The following ZNF638 variants were observed in gnomAD, a reference collection of about 807,000 sequenced individuals.
ZNF638 encodes the protein zinc finger protein 638, also known as CTCL tumor antigen se33-1.
A neutral mutation model predicts 195.6 loss-of-function variants in ZNF638; 46 were observed. The ratio of observed to expected loss-of-function variants is 0.24; its 90% confidence interval spans 0.19 to 0.30. ZNF638 has a LOEUF of 0.30. Ranked by LOEUF, ZNF638 falls within the 10% of genes least tolerant of loss-of-function variation. ZNF638 has a pLI of 1.00. For synonymous variants in ZNF638, 845 were observed against 772.0 expected (o/e 1.09, Z -1.57); for missense variants, 2,440 against 2,325.3 (o/e 1.05, Z -1.01).
chr2:71,397,039 C>G (rs1284836257), intron 11 of ZNF638, among the ~76,000 whole-genome samples: 1 of 152,046 alleles, frequency 6.6e-6, no homozygotes, highest in Admixed American at 6.6e-5. Flanking sequence ...GTGGCAGATC[C>G]AGAATTTTCA....
chr2:71,365,710 ATTCT>A lies in ZNF638; in HGVS notation c.1995+7_1995+10del. ...AGCTGTTTCTCTCCAGCGAAAGGTA[ATTCT>A]TTAATTAATAATTATTTTTAGAGAT... On this transcript the variant is annotated splice_donor_5th_base_variant and intron_variant, in intron 6 of 27. Transcript: ENST00000264447. 6.3e-7 allele frequency: 1 copy of A among 1,595,754 alleles called. No individual in the cohort carries two copies. The highest frequency in any genetic ancestry group is 8.5e-7 in the Non-Finnish European group (1 of 1,172,422).
intron 10 of ZNF638, chr2:71,393,316 A>C: frequency 1.5e-6 from 1 of 663,400 alleles, no homozygotes. Flanking sequence ...GGAAAGATGT[A>C]AATAGTAACG....
chr2:71,433,277 T>C lies in ZNF638; in HGVS notation c.5865T>C (p.Asn1955=). The C allele has an allele frequency of 6.2e-7, 1 of 1,606,572 alleles. No homozygotes were observed. Among genetic ancestry groups the C allele is most frequent in the South Asian group, 1.1e-5 (1 of 90,170 alleles). ...NHCKSTRHKQ[N]TEKFMAKQRK... ...GCAAGAGTACACGTCATAAGCAAAA[T>C]ACTGAGGTAATTTTAAAAATTCTTA... is the stretch of plus-strand genomic sequence containing the variant. Residue 1955 remains asparagine (N), a synonymous_variant, in exon 27 of 28, where the codon AAT becomes AAC. Transcript: ENST00000264447.
At chr2:71,386,254 A>G (rs1407306405) in intron 10 of ZNF638, among the ~76,000 whole-genome samples, 2 of 144,058 alleles carry the variant, frequency 1.4e-5, no homozygotes, top group Non-Finnish European at 3.0e-5. Context: ...TGATCGTGCT[A>G]CTGTACCCCA....
At chr2:71,429,806 T>C (rs2080619547) in intron 25 of ZNF638, among the ~76,000 whole-genome samples, 1 of 152,206 alleles carries the variant, frequency 6.6e-6, no homozygotes, top group South Asian at 2.1e-4. Flanking sequence ...TACTTGACTT[T>C]TCCACATGAT....
At chr2:71,387,682 T>C (rs987048354) in intron 10 of ZNF638, among the ~76,000 whole-genome samples, 3 of 151,230 alleles carry the variant, frequency 2.0e-5, no homozygotes, top group Non-Finnish European at 4.4e-5. Context: ...AAAGTAAAAG[T>C]GCTTATATCA....
chr2:71,402,163 AAAAG>A, intron 16 of ZNF638, 76 bp downstream of exon 16: 1 of 1,457,782 alleles, frequency 6.9e-7, no homozygotes, highest in African/African-American at 1.5e-5. Flanking sequence ...TACAAAACTA[AAAAG>A]AAAAGGTTTA....
chr2:71,352,297 G>T lies in ZNF638; in HGVS notation c.1317+2026G>T, dbSNP rs148387756. Among the ~76,000 whole-genome samples, 454 of 152,054 alleles carry T rather than the reference G, an allele frequency of 3.0e-3. 2 individuals are homozygous for T. The highest frequency in any genetic ancestry group is 0.011 in the African/African-American group (438 of 41,474). On this transcript the variant is annotated intron_variant, in intron 2 of 27. Coordinates refer to ENST00000264447, the MANE Select transcript of ZNF638 (RefSeq NM_014497.5). ...GTTCAAGACCACCCTTACTGACATG[G>T]TGAAATCCTGTCTCTACTAAAAATA...
intron 19 of ZNF638, among the ~76,000 whole-genome samples, chr2:71,406,729 G>C (rs2080112447): frequency 6.6e-6 from 1 of 152,222 alleles, no homozygotes; most frequent in African/African-American, 2.4e-5. Context: ...GCTGGATGCA[G>C]TGGCTCACCC....
At chr2:71,341,876 C>T (rs2078767561) in intron 1 of ZNF638, 1 of 152,072 alleles carries the variant, frequency 6.6e-6, no homozygotes, top group Admixed American at 6.6e-5. Context: ...GTTTCTGTTT[C>T]TTATCACACT....
intron 1 of ZNF638, among the ~76,000 whole-genome samples, chr2:71,337,772 C>T (rs1474511544): frequency 6.8e-6 from 1 of 146,306 alleles, no homozygotes; most frequent in African/African-American, 2.5e-5. Flanking sequence ...TTTTTTATAG[C>T]AGTTTTTTTT....
chr2:71,366,262 A>C (rs1245984737), intron 6 of ZNF638, among the ~76,000 whole-genome samples: 1 of 151,976 alleles, frequency 6.6e-6, no homozygotes, highest in African/African-American at 2.4e-5. Flanking sequence ...TGGGAGGCTC[A>C]GGTGGAAGGA....
chr2:71,408,380 A>G (rs2080147092), intron 20 of ZNF638, 133 bp downstream of exon 20: 1 of 1,130,748 alleles, frequency 8.8e-7, no homozygotes. Flanking sequence ...TCAGTGTTCC[A>G]ATTTTCATAG....
rs201231738 is a variant in ZNF638 at position 71,349,187 on chromosome 2, C to G, written c.233C>G (p.Thr78Ser). The change falls in exon 2 of 28, where the codon ACT becomes AGT. Residue 78 changes from threonine (T) to serine (S), a missense_variant. By Grantham distance (58) the Thr-to-Ser change is moderately conservative. Transcript: ENST00000264447. ...AATGTTCAGGTAACTCAACACAGAA[C>G]TGATCCAAGATTGACCAAAGAAAAA... ...RMNVQVTQHR[T>S]DPRLTKEKLD... 33 of 1,614,074 alleles carry G rather than the reference C, an allele frequency of 2.0e-5. No homozygotes were observed. Among genetic ancestry groups the G allele is most frequent in the Non-Finnish European group, 6.8e-6 (8 of 1,180,048 alleles).
intron 10 of ZNF638, chr2:71,388,722 C>T (rs549610610): frequency 2.5e-6 from 3 of 1,192,836 alleles, no homozygotes; most frequent in African/African-American, 3.0e-5. Flanking sequence ...ACTGTGCAGT[C>T]AGTAAGTCAT....
At chr2:71,371,725 G>C (rs1014770668) in intron 8 of ZNF638, among the ~76,000 whole-genome samples, 1 of 150,160 alleles carries the variant, frequency 6.7e-6, no homozygotes, top group African/African-American at 2.4e-5. Context: ...CTGTAAAGTG[G>C]CTTGAGTTCC....
chr2:71,425,263 A>G (rs1024310156), intron 23 of ZNF638, among the ~76,000 whole-genome samples: 2 of 152,112 alleles, frequency 1.3e-5, no homozygotes, highest in Admixed American at 1.3e-4. Flanking sequence ...TAGGGGATAG[A>G]TTTGGGCCTA....
In ZNF638 at chr2:71,406,142, A is replaced by G. The variant is rs755350936; in HGVS notation, c.3015A>G (p.Thr1005=). 1.2e-6 allele frequency: 2 copies of G among 1,613,576 alleles called. No individual in the cohort carries two copies. The highest frequency in any genetic ancestry group is 1.7e-5 in the Admixed American group (1 of 60,008). ...KENDPEANID[T]IYDRFVHLDN... ...AAAAACTACAGGCAAACATAGATAC[A>G]ATTTATGATCGATTTGTACATCTTG... The change falls in exon 19 of 28, where the codon ACA becomes ACG. Residue 1005 remains threonine (T), a synonymous_variant. Coordinates refer to ENST00000264447, the MANE Select transcript of ZNF638 (RefSeq NM_014497.5).
intron 11 of ZNF638, among the ~76,000 whole-genome samples, chr2:71,397,794 A>T (rs2079925518): frequency 6.6e-6 from 1 of 152,192 alleles, no homozygotes. Flanking sequence ...TTTCATGATC[A>T]CATCTTTATA....
Sources: allele counts gnomAD v4.1 joint callset (sites outside exome capture counted in the v4.1 genomes callset), GRCh38; gene constraint gnomAD v4.1.1; transcripts MANE v1.5; gene names NCBI Gene and HGNC (gene_info 2026-07-23, HGNC 2026-07-21).